Variants in FGFR1OP2 observed in about 807,000 individuals in gnomAD.
FGFR1OP2 encodes the protein fibroblast growth factor receptor 1 oncogene partner 2.
In FGFR1OP2, 17 loss-of-function variants were observed where a neutral mutation model predicts 35.2. The observed-to-expected ratio is 0.48, with a 90% CI of 0.33 to 0.73. FGFR1OP2 has a LOEUF of 0.73. Among genes scored for constraint, FGFR1OP2 ranks in the 30% least tolerant of loss-of-function variants. The probability of loss-of-function intolerance (pLI) is 0.02; values close to 1 mark genes in which losing one functional copy is unlikely to be tolerated. For missense variants in FGFR1OP2, 251 were observed against 307.3 expected (o/e 0.82, Z 1.37); for synonymous variants, 105 against 104.6 (o/e 1.00, Z -0.03).
chr12:26,966,461 G>A lies in FGFR1OP2; in HGVS notation c.*1728G>A, dbSNP rs903998402. The A allele has an allele frequency of 4.0e-5, 6 of 150,662 alleles. No individual in the cohort carries two copies. The highest frequency in any genetic ancestry group is 3.5e-3 in the Middle Eastern group (1 of 286). The allele number at this position is 150,662 out of a possible 1,614,324, so 9.3% of individuals were successfully genotyped here. On this transcript the variant is annotated 3_prime_UTR_variant, in exon 7 of 7. Coordinates refer to ENST00000229395, the MANE Select transcript of FGFR1OP2 (RefSeq NM_015633.3). ...AACAAGTTGGGTTAACTTATTCTTC[G>A]TCTTTTTGCTTGGATATGAATTTAA... is the stretch of plus-strand genomic sequence containing the variant.
At chr12:26,964,140 A>G (rs1240865174) in intron 6 of FGFR1OP2, among the ~76,000 whole-genome samples, 3 of 152,134 alleles carry the variant, frequency 2.0e-5, no homozygotes, top group Admixed American at 2.0e-4. Context: ...AAATATCATC[A>G]GCTACCCCTA....
At chr12:26,961,825 T>G (rs1050979640) in intron 5 of FGFR1OP2, 1 of 152,244 alleles carries the variant, frequency 6.6e-6, no homozygotes, top group African/African-American at 2.4e-5. Context: ...GAGGATGCTG[T>G]TGGTATTCAA....
intron 1 of FGFR1OP2, among the ~76,000 whole-genome samples, chr12:26,946,836 T>G (rs1178305902): frequency 6.6e-6 from 1 of 152,204 alleles, no homozygotes; most frequent in Non-Finnish European, 1.5e-5. Flanking sequence ...TCCTCCTTCC[T>G]TTTCCTAATC....
At chr12:26,952,084 G>A (rs1040064951) in intron 1 of FGFR1OP2, among the ~76,000 whole-genome samples, 4 of 125,216 alleles carry the variant, frequency 3.2e-5, no homozygotes, top group Admixed American at 1.7e-4. Context: ...GTCAGTGCCC[G>A]TCCTTTTTTT....
chr12:26,964,945 G>A lies in FGFR1OP2; in HGVS notation c.*212G>A, dbSNP rs1939154947. On this transcript the variant is annotated 3_prime_UTR_variant, in exon 7 of 7. Transcript: ENST00000229395. The stretch of plus-strand genomic sequence containing the variant: ...ATAGAAACTGAGCCATTGCCAAATG[G>A]TAAAGAAATGAAAAGTTTTCACAGT... 4.4e-6 allele frequency: 2 copies of A among 454,282 alleles called. No homozygotes were observed. The highest frequency in any genetic ancestry group is 3.9e-5 in the African/African-American group (2 of 51,684). The allele number at this position is 454,282 out of a possible 1,614,324, so 28.1% of individuals were successfully genotyped here.
Position 26,964,739 on chromosome 12 carries a change from TTC to T in FGFR1OP2, c.*8_*9del, listed in dbSNP as rs780809544. The T allele has an allele frequency of 1.9e-6, 3 of 1,608,078 alleles. No homozygotes were observed. The South Asian group carries it at 3.3e-5, about 18-fold the overall frequency. ...TGAGTCTGAGGAAGAGCTGAAGAGT[TTC>T]TGAGTCTGTGAGCTTCTTACATGGC... On this transcript the variant is annotated 3_prime_UTR_variant, in exon 7 of 7. Coordinates refer to ENST00000229395, the MANE Select transcript of FGFR1OP2 (RefSeq NM_015633.3).
At chr12:26,957,129 C>T (rs1487458699) in intron 3 of FGFR1OP2, among the ~76,000 whole-genome samples, 3 of 152,170 alleles carry the variant, frequency 2.0e-5, no homozygotes, top group South Asian at 2.1e-4. Context: ...CTTGCCAACA[C>T]CAATCACTTC....
At chr12:26,956,468 T>A in intron 2 of FGFR1OP2, 75 bp from the exon 3 acceptor site, 1 of 283,246 alleles carries the variant, frequency 3.5e-6, no homozygotes, top group Non-Finnish European at 5.5e-6. Context: ...GATATATTTA[T>A]ATTTATATAT....
At chr12:26,939,105 T>C (rs1352031055) in intron 1 of FGFR1OP2, among the ~76,000 whole-genome samples, 3 of 152,228 alleles carry the variant, frequency 2.0e-5, no homozygotes, top group African/African-American at 7.2e-5. Context: ...TATTACTCTT[T>C]TCTGGTTCTC....
In FGFR1OP2 at chr12:26,966,277, GAAAGTAT is replaced by G. The variant is rs1244698249; in HGVS notation, c.*1545_*1551del. 2 of 151,888 alleles carry G rather than the reference GAAAGTAT, an allele frequency of 1.3e-5. No homozygotes were observed. The highest frequency in any genetic ancestry group is 2.9e-5 in the Non-Finnish European group (2 of 67,942). The allele number at this position is 151,888 out of a possible 1,614,324, so 9.4% of individuals were successfully genotyped here. A position where few individuals can be genotyped will look rare whatever the true frequency, so the allele number is the denominator to read the frequency against. ...TTTTTAAACTTTTTATTGTTTTTGGGAAAGTATTCCTTAATTTAATGACACATTCATT... is the reference window on the plus strand; with the variant it reads ...TTTTTAAACTTTTTATTGTTTTTGGGTCCTTAATTTAATGACACATTCATT... On this transcript the variant is annotated 3_prime_UTR_variant, in exon 7 of 7. Transcript: ENST00000229395.
Position 26,946,573 on chromosome 12 carries a change from G to A in FGFR1OP2, c.-14-7572G>A, listed in dbSNP as rs370918613. On this transcript the variant is annotated intron_variant, in intron 1 of 6. Transcript: ENST00000229395. The stretch of plus-strand genomic sequence containing the variant: ...GATCTGCCAGCCTTGGCCTCCCAAA[G>A]TGCTGGGATTATATGGGCGTGGGCC... 3.2e-4 allele frequency among the ~76,000 whole-genome samples: 49 copies of A among 152,346 alleles called. 1 individual carries two copies. Among genetic ancestry groups the A allele is most frequent in the Middle Eastern group, 3.4e-3 (1 of 294 alleles).
chr12:26,942,769 TAA>T lies in FGFR1OP2; in HGVS notation c.-15+4061_-15+4062del, dbSNP rs371465355. On this transcript the variant is annotated intron_variant, in intron 1 of 6. Coordinates refer to ENST00000229395, the MANE Select transcript of FGFR1OP2 (RefSeq NM_015633.3). Reference sequence around the variant, plus strand: ...TGTCCATATCTTTTTGGTTCACTAGTAAAGTCTTTTATTCATTTTTATTTGGG... The same window carrying T: ...TGTCCATATCTTTTTGGTTCACTAGTAGTCTTTTATTCATTTTTATTTGGG... 3.8e-3 allele frequency among the ~76,000 whole-genome samples: 579 copies of T among 152,336 alleles called. 1 individual carries two copies. The highest frequency in any genetic ancestry group is 0.013 in the African/African-American group (553 of 41,586).
chr12:26,938,757 A>C (rs996245622), intron 1 of FGFR1OP2, 47 bp downstream of exon 1: 1 of 152,336 alleles, frequency 6.6e-6, no homozygotes, highest in Non-Finnish European at 1.5e-5. Flanking sequence ...GGCGAGTCGG[A>C]GGCGTCCTTT....
intron 1 of FGFR1OP2, among the ~76,000 whole-genome samples, chr12:26,948,974 C>A (rs1489066580): frequency 6.6e-6 from 1 of 152,056 alleles, no homozygotes; most frequent in Non-Finnish European, 1.5e-5. Flanking sequence ...CCAGGAGTTC[C>A]AGCCTGGGTG....
intron 5 of FGFR1OP2, chr12:26,962,824 T>C (rs1939122390): frequency 6.6e-6 from 1 of 152,322 alleles, no homozygotes; most frequent in African/African-American, 2.4e-5. Flanking sequence ...ACTTACCATA[T>C]ACCATACACT....
At position 26,943,403 on chromosome 12, in the gene FGFR1OP2, T is replaced by C. The variant is rs112354263; in HGVS notation, c.-15+4693T>C. ...TCTTCAACTTTTTTTGTTTTCATAGTTGTTTTGTTGTTATCTAGTTTCTTT... is the reference window on the plus strand; with the variant it reads ...TCTTCAACTTTTTTTGTTTTCATAGCTGTTTTGTTGTTATCTAGTTTCTTT... On this transcript the variant is annotated intron_variant, in intron 1 of 6. Coordinates refer to ENST00000229395, the MANE Select transcript of FGFR1OP2 (RefSeq NM_015633.3). 2.2e-4 allele frequency among the ~76,000 whole-genome samples: 34 copies of C among 152,338 alleles called. 1 individual carries two copies. The highest frequency in any genetic ancestry group is 7.7e-4 in the African/African-American group (32 of 41,564).
intron 1 of FGFR1OP2, among the ~76,000 whole-genome samples, chr12:26,942,310 C>T (rs1166119407): frequency 1.3e-5 from 2 of 152,190 alleles, no homozygotes; most frequent in South Asian, 4.1e-4. Flanking sequence ...GGATTACAGG[C>T]GTGAGCCACT....
chr12:26,953,196 G>A (rs1407238641), intron 1 of FGFR1OP2, among the ~76,000 whole-genome samples: 1 of 149,882 alleles, frequency 6.7e-6, no homozygotes, highest in African/African-American at 2.5e-5. Context: ...CCTGGGAGGT[G>A]GAGCTTGCAG....
At chr12:26,964,396 G>A (rs1425445351) in intron 6 of FGFR1OP2, among the ~76,000 whole-genome samples, 200 bp from the exon 7 acceptor site, 1 of 152,140 alleles carries the variant, frequency 6.6e-6, no homozygotes, top group Non-Finnish European at 1.5e-5. Flanking sequence ...GGTGGAAGAT[G>A]TTGAACACGA....
Sources: gnomAD v4.1 joint callset for allele counts (sites outside exome capture counted in the v4.1 genomes callset) on GRCh38, gnomAD v4.1.1 for gene constraint, MANE v1.5 for transcripts, NCBI Gene and HGNC (gene_info 2026-07-23, HGNC 2026-07-21) for gene names.